Variants in ACSM6 observed in about 807,000 individuals in gnomAD.
ACSM6 encodes the protein acyl-coenzyme A synthetase ACSM6, mitochondrial.
In ACSM6, 35 loss-of-function variants were observed where a neutral mutation model predicts 51.1. The observed-to-expected ratio is 0.69, with a 90% CI of 0.52 to 0.91. ACSM6 has a LOEUF of 0.91. Ranked by LOEUF, ACSM6 falls within the 40% of genes least tolerant of loss-of-function variation. ACSM6 has a pLI of 0.00. For synonymous variants in ACSM6, 172 were observed against 207.3 expected (o/e 0.83, Z 1.46); for missense variants, 509 against 584.1 (o/e 0.87, Z 1.32).
At chr10:95,212,190 GCT>G (rs984355540) in intron 6 of ACSM6, among the ~76,000 whole-genome samples, 156 bp downstream of exon 6, 1 of 152,170 alleles carries the variant, frequency 6.6e-6, no homozygotes, top group Non-Finnish European at 1.5e-5. Context: ...TGAGAGCAAT[GCT>G]CTCTCTCTTC....
At chr10:95,213,624 T>A (rs1035591926) in intron 7 of ACSM6, among the ~76,000 whole-genome samples, 2 of 152,212 alleles carry the variant, frequency 1.3e-5, no homozygotes, top group Non-Finnish European at 2.9e-5. Flanking sequence ...CAAGTACCTA[T>A]CAAAGATAGT....
intron 3 of ACSM6, among the ~76,000 whole-genome samples, chr10:95,205,993 A>T (rs2034835858): frequency 1.3e-5 from 2 of 152,158 alleles, no homozygotes; most frequent in African/African-American, 4.8e-5. Context: ...CCTGTTTCCT[A>T]TGACTTTGTT....
intron 3 of ACSM6, among the ~76,000 whole-genome samples, chr10:95,204,104 C>G (rs1006730231): frequency 2.6e-5 from 4 of 152,108 alleles, no homozygotes; most frequent in African/African-American, 9.7e-5. Context: ...TTCTTCCTAC[C>G]TGAGGCCAAG....
At chr10:95,204,290 GCCTGTAATC>G (rs2034821053) in intron 3 of ACSM6, among the ~76,000 whole-genome samples, 2 of 152,150 alleles carry the variant, frequency 1.3e-5, no homozygotes, top group African/African-American at 2.4e-5. Context: ...CAGTGGCTAC[GCCTGTAATC>G]CCAGCACTTT....
chr10:95,208,592 T>C (rs558005115), intron 4 of ACSM6, among the ~76,000 whole-genome samples: 68 of 152,336 alleles, frequency 4.5e-4, no homozygotes, highest in African/African-American at 1.6e-3. Context: ...TCTGTGGCTT[T>C]GTTTTCTGCG....
intron 8 of ACSM6, 151 bp from the exon 9 acceptor site, chr10:95,219,740 T>G (rs1359756343): frequency 1.7e-6 from 1 of 573,678 alleles, no homozygotes; most frequent in Non-Finnish European, 3.0e-6. Context: ...TTAGTCACAC[T>G]CCTGCTTGAT....
At chr10:95,200,800 C>A in intron 2 of ACSM6, among the ~76,000 whole-genome samples, 1 of 141,914 alleles carries the variant, frequency 7.0e-6, no homozygotes, top group Admixed American at 7.4e-5. Context: ...GGGAAAGAGG[C>A]GAGAGATGGG....
At chr10:95,195,906 T>C (rs561067333) in intron 2 of ACSM6, among the ~76,000 whole-genome samples, 2 of 152,200 alleles carry the variant, frequency 1.3e-5, no homozygotes, top group African/African-American at 4.8e-5. Context: ...GAGCAAGGAT[T>C]GTGAAAGCTC....
At position 95,197,913 on chromosome 10, in the gene ACSM6, C is replaced by T. The variant is rs537876582; in HGVS notation, c.192+3236C>T. On this transcript the variant is annotated intron_variant, in intron 2 of 10. Transcript: ENST00000341686. ...GCGGCTTTCCGCAGTGCACTGTGCC[C>T]CTGGTTTATTGAGACTAGAGAATGG... Among the ~76,000 whole-genome samples the T allele has an allele frequency of 4.0e-3, 613 of 152,336 alleles. 2 individuals are homozygous for T. Among genetic ancestry groups the T allele is most frequent in the African/African-American group, 0.014 (588 of 41,576 alleles).
At chr10:95,217,891 T>C (rs2034962275) in intron 8 of ACSM6, among the ~76,000 whole-genome samples, 1 of 152,248 alleles carries the variant, frequency 6.6e-6, no homozygotes, top group East Asian at 1.9e-4. Context: ...GTACGCAAGT[T>C]ACAATTCAAA....
chr10:95,200,092 G>C (rs992872429), intron 2 of ACSM6, among the ~76,000 whole-genome samples: 8 of 151,944 alleles, frequency 5.3e-5, no homozygotes, highest in Non-Finnish European at 1.2e-4. Context: ...GCAAAGACTT[G>C]GAACCAAATG....
chr10:95,201,461 T>A (rs973055368), intron 2 of ACSM6: 9 of 455,470 alleles, frequency 2.0e-5, no homozygotes, highest in Non-Finnish European at 4.0e-5. Flanking sequence ...TTCAGCTCCA[T>A]CCATGTTGCT....
chr10:95,215,811 G>A (rs569193419), intron 8 of ACSM6, among the ~76,000 whole-genome samples: 3 of 152,332 alleles, frequency 2.0e-5, no homozygotes, highest in East Asian at 3.9e-4. Context: ...GAAAGGCCGG[G>A]TTTTAGGAAG....
chr10:95,223,432 A>T (rs1413201978), intron 9 of ACSM6, among the ~76,000 whole-genome samples: 1 of 152,192 alleles, frequency 6.6e-6, no homozygotes, highest in African/African-American at 2.4e-5. Context: ...GTGCCAAAAA[A>T]TCTCAACAAA....
At chr10:95,214,564 G>C (rs1349392586) in intron 7 of ACSM6, among the ~76,000 whole-genome samples, 2 of 152,156 alleles carry the variant, frequency 1.3e-5, no homozygotes, top group Non-Finnish European at 2.9e-5. Context: ...AACTCAGAAG[G>C]GTTTCTGCAG....
intron 10 of ACSM6, chr10:95,226,430 AGGCATGGT>A (rs879328874): frequency 5.9e-5 from 9 of 152,242 alleles, no homozygotes; most frequent in Non-Finnish European, 1.2e-4. Context: ...AAAATTAGCC[AGGCATGGT>A]GGCATGCACC....
chr10:95,197,304 C>T (rs1318914151), intron 2 of ACSM6, among the ~76,000 whole-genome samples: 1 of 152,152 alleles, frequency 6.6e-6, no homozygotes, highest in African/African-American at 2.4e-5. Context: ...CAACAGTGGG[C>T]CCAGGGGACC....
chr10:95,203,997 G>A (rs1284745070), intron 3 of ACSM6, among the ~76,000 whole-genome samples: 2 of 152,078 alleles, frequency 1.3e-5, no homozygotes, highest in Non-Finnish European at 2.9e-5. Flanking sequence ...CAGGCTCCCA[G>A]TGTTTCCCCA....
At chr10:95,202,154 C>A (rs897652019) in exon 3 of ACSM6, 2 of 1,552,188 alleles carry the variant, frequency 1.3e-6, no homozygotes, top group Non-Finnish European at 1.7e-6. Flanking sequence ...TTGCCCCCAA[C>A]ACCTGAAGCC....
Sources: allele counts gnomAD v4.1 joint callset (sites outside exome capture counted in the v4.1 genomes callset), GRCh38; gene constraint gnomAD v4.1.1; transcripts MANE v1.5; gene names NCBI Gene and HGNC (gene_info 2026-07-23, HGNC 2026-07-21).